UGGT2: variants seen among roughly 807,000 people sequenced by gnomAD.
UGGT2 encodes the protein UDP-glucose:glycoprotein glucosyltransferase 2.
A neutral mutation model predicts 192.1 loss-of-function variants in UGGT2; 180 were observed. The observed-to-expected ratio is 0.94, with a 90% CI of 0.83 to 1.06. The LOEUF (loss-of-function observed/expected upper bound fraction) is 1.06, where lower values mean the gene tolerates loss of function less well. Ranked by LOEUF, UGGT2 falls within the 50% of genes least tolerant of loss-of-function variation. The probability of loss-of-function intolerance (pLI) is 0.00; values close to 1 mark genes in which losing one functional copy is unlikely to be tolerated. For missense variants in UGGT2, 1,849 were observed against 1,795.7 expected (o/e 1.03, Z -0.54); for synonymous variants, 580 against 591.0 (o/e 0.98, Z 0.27).
chr13:95,910,218 C>T (rs1024433166), intron 20 of UGGT2, among the ~76,000 whole-genome samples: 5 of 152,102 alleles, frequency 3.3e-5, no homozygotes, highest in South Asian at 2.1e-4. Flanking sequence ...ATCATAATAA[C>T]GGGATCAAAT....
In UGGT2 at chr13:96,023,683, T is replaced by C. The variant is rs146386083; in HGVS notation, c.318A>G (p.Leu106=). The change falls in exon 3 of 39, where the codon TTA becomes TTG. Residue 106 remains leucine (L), a synonymous_variant. Coordinates refer to ENST00000376747, the MANE Select transcript of UGGT2 (RefSeq NM_020121.4). ...ATGCCCTTATAGAGAAAGCAAACTT[T>C]AAAAGGTTGATGTGTAAATTGTCTA... The part of the protein sequence containing the change: ...QFLDNLHINL[L]KFAFSIRAYS... 2 of 1,612,018 alleles carry C rather than the reference T, an allele frequency of 1.2e-6. No individual in the cohort carries two copies. Among genetic ancestry groups the C allele is most frequent in the African/African-American group, 2.7e-5 (2 of 74,866 alleles).
At chr13:95,876,400 T>A (rs533156189) in intron 29 of UGGT2, among the ~76,000 whole-genome samples, 1 of 152,126 alleles carries the variant, frequency 6.6e-6, no homozygotes, top group South Asian at 2.1e-4. Context: ...GTAGGCCTGG[T>A]GGTGGGGTAG....
chr13:95,945,584 A>G lies in UGGT2; in HGVS notation c.1677+1453T>C, dbSNP rs543124215. On this transcript the variant is annotated intron_variant, in intron 15 of 38. Transcript: ENST00000376747. ...AAAACACTTACAAAACAGAGATTCA[A>G]TATTGATAATTAAGATAACTTAGGT... 4.6e-5 allele frequency among the ~76,000 whole-genome samples: 7 copies of G among 152,286 alleles called. No homozygotes were observed. The East Asian group carries it at 1.3e-3, about 29-fold the overall frequency.
chr13:95,847,617 T>C (rs909347163), intron 36 of UGGT2, among the ~76,000 whole-genome samples: 10 of 152,224 alleles, frequency 6.6e-5, no homozygotes, highest in African/African-American at 2.4e-4. Context: ...TTCTTCCTTG[T>C]CTTTTCATGG....
intron 1 of UGGT2, among the ~76,000 whole-genome samples, chr13:96,049,170 T>G (rs1023440116): frequency 3.2e-4 from 49 of 152,204 alleles, no homozygotes; most frequent in Middle Eastern, 3.4e-3. Flanking sequence ...TGCAAGGCTG[T>G]TTCAACATAT....
At chr13:95,947,454 A>T (rs9590350) in intron 14 of UGGT2, among the ~76,000 whole-genome samples, 5 of 145,740 alleles carry the variant, frequency 3.4e-5, no homozygotes, top group African/African-American at 1.0e-4. Flanking sequence ...TACTCTTTTT[A>T]TTTTTATTTT....
intron 4 of UGGT2, among the ~76,000 whole-genome samples, chr13:96,019,097 A>AAATTATT (rs1168108519): frequency 1.4e-5 from 2 of 138,492 alleles, no homozygotes; most frequent in Admixed American, 1.5e-4. Context: ...AGGAAAAAAA[A>AAATTATT]AATTATTAAC....
At chr13:95,914,847 A>C (rs1251081765) in intron 20 of UGGT2, among the ~76,000 whole-genome samples, 1 of 152,046 alleles carries the variant, frequency 6.6e-6, no homozygotes, top group Non-Finnish European at 1.5e-5. Context: ...AAAACTCTTA[A>C]GTATAAAAAT....
At chr13:96,001,470 C>T (rs891904625) in intron 5 of UGGT2, among the ~76,000 whole-genome samples, 9 of 152,102 alleles carry the variant, frequency 5.9e-5, no homozygotes, top group Non-Finnish European at 1.3e-4. Context: ...GGACTCAGCC[C>T]GCCTGCACCC....
chr13:95,925,587 A>G, intron 20 of UGGT2, 93 bp downstream of exon 20: 2 of 843,908 alleles, frequency 2.4e-6, no homozygotes, highest in Admixed American at 3.4e-5. Context: ...AAACATTAAC[A>G]TGGAGGGGAA....
At chr13:95,807,816 G>C (rs9590331) in intron 38 of UGGT2, among the ~76,000 whole-genome samples, 1 of 149,406 alleles carries the variant, frequency 6.7e-6, no homozygotes, top group Non-Finnish European at 1.5e-5. Flanking sequence ...CATCTGGGCA[G>C]TTTTCTCCAG....
chr13:95,996,490 T>C (rs2051626147), intron 6 of UGGT2, among the ~76,000 whole-genome samples: 1 of 148,972 alleles, frequency 6.7e-6, no homozygotes, highest in Non-Finnish European at 1.5e-5. Context: ...AGTAAGACCG[T>C]GTCTAAAAAA....
intron 10 of UGGT2, among the ~76,000 whole-genome samples, chr13:95,974,418 G>A (rs537089736): frequency 2.0e-5 from 3 of 152,256 alleles, no homozygotes; most frequent in Middle Eastern, 3.4e-3. Context: ...GAGCTCAATT[G>A]TAAGTACAAA....
intron 36 of UGGT2, among the ~76,000 whole-genome samples, chr13:95,839,227 G>C (rs1408283145): frequency 6.6e-6 from 1 of 151,940 alleles, no homozygotes; most frequent in Non-Finnish European, 1.5e-5. Flanking sequence ...CTTTAATTCT[G>C]TCAATTATAT....
At position 95,927,467 on chromosome 13, in the gene UGGT2, TTTC is replaced by T. The variant is rs1330901098; in HGVS notation, c.1978-134_1978-132del. ...TTTAGAATTATTACAATACATTTTC[TTTC>T]TTTTTTTTTTTTTTTTTTATTCTTC... On this transcript the variant is annotated intron_variant, in intron 17 of 38. Coordinates refer to ENST00000376747, the MANE Select transcript of UGGT2 (RefSeq NM_020121.4). The T allele has an allele frequency of 2.3e-3, 690 of 304,102 alleles. 4 individuals are homozygous for T. Among genetic ancestry groups the T allele is most frequent in the African/African-American group, 4.1e-3 (115 of 27,910 alleles). 18.8% of individuals were successfully genotyped at this position (304,102 alleles called of 1,614,324 possible).
intron 15 of UGGT2, among the ~76,000 whole-genome samples, chr13:95,941,628 C>G (rs2049683102): frequency 6.6e-6 from 1 of 152,112 alleles, no homozygotes; most frequent in Non-Finnish European, 1.5e-5. Flanking sequence ...ATATTAGATA[C>G]TCATAAAATA....
chr13:95,921,488 T>C (rs1322809412), intron 20 of UGGT2, among the ~76,000 whole-genome samples: 1 of 152,070 alleles, frequency 6.6e-6, no homozygotes, highest in Non-Finnish European at 1.5e-5. Flanking sequence ...CTGTGAATTT[T>C]TTTTCCCCCA....
chr13:95,911,040 G>A (rs1184294836), intron 20 of UGGT2, among the ~76,000 whole-genome samples: 3 of 152,208 alleles, frequency 2.0e-5, no homozygotes, highest in Middle Eastern at 3.4e-3. Flanking sequence ...TGAAACCAAC[G>A]AAAACAAAGA....
chr13:96,052,440 A>C (rs1444543625), intron 1 of UGGT2, among the ~76,000 whole-genome samples: 2 of 152,090 alleles, frequency 1.3e-5, no homozygotes, highest in Admixed American at 6.6e-5. Context: ...ATGTAACCAA[A>C]CACCACCTGT....
Sources: allele counts gnomAD v4.1 joint callset (sites outside exome capture counted in the v4.1 genomes callset), GRCh38; gene constraint gnomAD v4.1.1; transcripts MANE v1.5; gene names NCBI Gene and HGNC (gene_info 2026-07-23, HGNC 2026-07-21).